Variants in EDIL3 observed in about 807,000 individuals in gnomAD.
The protein encoded by EDIL3 is EGF-like repeat and discoidin I-like domain-containing protein 3.
In EDIL3, 37 loss-of-function variants were observed where a neutral mutation model predicts 67.4. That is an observed-to-expected ratio of 0.55 (90% CI 0.42 to 0.72). The LOEUF (loss-of-function observed/expected upper bound fraction) is 0.72. Among genes scored for constraint, EDIL3 ranks in the 30% least tolerant of loss-of-function variants. The pLI is 0.00. For missense variants in EDIL3, 527 were observed against 586.3 expected, an observed-to-expected ratio of 0.90 and a Z score of 1.04; for synonymous variants, 195 against 196.3, an observed-to-expected ratio of 0.99 and a Z score of 0.05.
intron 10 of EDIL3, among the ~76,000 whole-genome samples, chr5:83,961,661 T>C (rs995616145): frequency 6.6e-6 from 1 of 150,972 alleles, no homozygotes; most frequent in African/African-American, 2.4e-5. Flanking sequence ...CCTGTATAAC[T>C]TATGAAGTTT....
intron 6 of EDIL3, among the ~76,000 whole-genome samples, chr5:84,067,553 T>C (rs1425113445): frequency 6.6e-6 from 1 of 152,226 alleles, no homozygotes; most frequent in Non-Finnish European, 1.5e-5. Flanking sequence ...AATTTAAATA[T>C]GTCATACCAT....
At chr5:84,311,985 C>T (rs1437420135) in intron 1 of EDIL3, among the ~76,000 whole-genome samples, 2 of 152,144 alleles carry the variant, frequency 1.3e-5, no homozygotes, top group African/African-American at 4.8e-5. Context: ...GGCAACCATC[C>T]GATTTCTCAA....
At chr5:84,304,515 A>C (rs183227807) in intron 1 of EDIL3, among the ~76,000 whole-genome samples, 32 of 152,320 alleles carry the variant, frequency 2.1e-4, no homozygotes, top group Middle Eastern at 3.4e-3. Context: ...TCTTGCTTTA[A>C]TGAAGTTGAC....
chr5:84,351,041 T>C lies in EDIL3; in HGVS notation c.67+33267A>G, dbSNP rs376887977. 3.3e-5 allele frequency among the ~76,000 whole-genome samples: 5 copies of C among 152,244 alleles called. No individual in the cohort carries two copies. The East Asian group carries it at 7.7e-4, about 24-fold the overall frequency. ...CCACATTTTAAGTAATCAATAGCCA[T>C]GTATGGTCAATCACATTGCATTGGA... On this transcript the variant is annotated intron_variant, in intron 1 of 10. Coordinates refer to ENST00000296591, the MANE Select transcript of EDIL3 (RefSeq NM_005711.5).
intron 6 of EDIL3, among the ~76,000 whole-genome samples, chr5:84,077,398 C>G (rs1746881803): frequency 6.6e-6 from 1 of 152,112 alleles, no homozygotes; most frequent in African/African-American, 2.4e-5. Context: ...CATTTTCATA[C>G]TGCTATGAAG....
chr5:83,992,927 A>G (rs1262151768), intron 9 of EDIL3, among the ~76,000 whole-genome samples: 1 of 151,972 alleles, frequency 6.6e-6, no homozygotes, highest in Admixed American at 6.6e-5. Flanking sequence ...TGGATAAGTA[A>G]TATGAAGCTA....
chr5:84,330,550 A>G (rs1435288140), intron 1 of EDIL3, among the ~76,000 whole-genome samples: 1 of 152,236 alleles, frequency 6.6e-6, no homozygotes, highest in African/African-American at 2.4e-5. Flanking sequence ...AGCAGAGTCA[A>G]TAAAAACATT....
intron 1 of EDIL3, among the ~76,000 whole-genome samples, chr5:84,367,308 T>C (rs1272860044): frequency 6.6e-6 from 1 of 152,102 alleles, no homozygotes; most frequent in African/African-American, 2.4e-5. Flanking sequence ...TCTTGCTCTG[T>C]CACCTCCCAA....
intron 1 of EDIL3, among the ~76,000 whole-genome samples, chr5:84,335,929 G>C (rs1008450066): frequency 2.0e-5 from 3 of 152,296 alleles, no homozygotes; most frequent in South Asian, 4.1e-4. Flanking sequence ...ACTACTTACT[G>C]TTTCCTCAGA....
intron 1 of EDIL3, among the ~76,000 whole-genome samples, chr5:84,280,316 T>C (rs546521708): frequency 6.6e-6 from 1 of 152,152 alleles, no homozygotes; most frequent in Non-Finnish European, 1.5e-5. Context: ...TTTAATCAGA[T>C]CATGATCTCT....
intron 10 of EDIL3, among the ~76,000 whole-genome samples, chr5:83,953,593 A>G (rs1391892881): frequency 2.0e-5 from 3 of 151,750 alleles, no homozygotes; most frequent in African/African-American, 7.3e-5. Context: ...TTATCTGTTC[A>G]AAATTGATGT....
intron 1 of EDIL3, among the ~76,000 whole-genome samples, chr5:84,354,911 T>G (rs1343663679): frequency 1.3e-5 from 2 of 152,172 alleles, no homozygotes; most frequent in African/African-American, 4.8e-5. Context: ...AAAAATCACC[T>G]ATTATTTTTT....
chr5:84,065,057 T>A (rs1746613772), intron 7 of EDIL3, among the ~76,000 whole-genome samples: 1 of 152,180 alleles, frequency 6.6e-6, no homozygotes, highest in Non-Finnish European at 1.5e-5. Context: ...CTGTGGCTCA[T>A]GACATGATCT....
intron 2 of EDIL3, among the ~76,000 whole-genome samples, chr5:84,248,193 T>C (rs1193287992): frequency 6.6e-6 from 1 of 152,152 alleles, no homozygotes; most frequent in Non-Finnish European, 1.5e-5. Context: ...TCAAGCTCTT[T>C]CTCCACAACG....
intron 9 of EDIL3, among the ~76,000 whole-genome samples, chr5:84,032,996 G>A (rs915951404): frequency 1.3e-5 from 2 of 152,158 alleles, no homozygotes; most frequent in Non-Finnish European, 2.9e-5. Flanking sequence ...GGGTCCTCAC[G>A]TTTGAATGGC....
chr5:84,346,410 A>G (rs1404370954), intron 1 of EDIL3, among the ~76,000 whole-genome samples: 2 of 152,062 alleles, frequency 1.3e-5, no homozygotes, highest in East Asian at 3.9e-4. Context: ...ATAAAACTTT[A>G]TTTACAAAAT....
rs71605902 is a variant in EDIL3 at position 84,141,952 on chromosome 5, G to GATCGATCGATCTATCTATCT, written c.356-4599_356-4598insAGATAGATAGATCGATCGAT. Among the ~76,000 whole-genome samples the GATCGATCGATCTATCTATCT allele has an allele frequency of 1.7e-3, 180 of 108,360 alleles. 1 individual carries two copies. The highest frequency in any genetic ancestry group is 6.3e-3 in the East Asian group (22 of 3,504). The allele number at this position is 108,360 out of a possible 152,430, so 71.1% of individuals were successfully genotyped here. A position where few individuals can be genotyped will look rare whatever the true frequency, so the allele number is the denominator to read the frequency against. ...ATATATATATATATATATATACATA[G>GATCGATCGATCTATCTATCT]ATCTATCTATCTATCTATCTATCTA... is the stretch of plus-strand genomic sequence containing the variant. On this transcript the variant is annotated intron_variant, in intron 4 of 10. Coordinates refer to ENST00000296591, the MANE Select transcript of EDIL3 (RefSeq NM_005711.5).
chr5:84,349,168 G>A (rs923489365), intron 1 of EDIL3, among the ~76,000 whole-genome samples: 2 of 152,070 alleles, frequency 1.3e-5, no homozygotes, highest in African/African-American at 4.8e-5. Flanking sequence ...TATTTATAAA[G>A]AATAACAGCT....
chr5:84,287,166 C>T (rs1421364925), intron 1 of EDIL3, among the ~76,000 whole-genome samples: 1 of 152,038 alleles, frequency 6.6e-6, no homozygotes, highest in Non-Finnish European at 1.5e-5. Flanking sequence ...TTCTATTGAG[C>T]TAAAGCTGTA....
Sources: gnomAD v4.1 joint callset for allele counts (sites outside exome capture counted in the v4.1 genomes callset) on GRCh38, gnomAD v4.1.1 for gene constraint, MANE v1.5 for transcripts, NCBI Gene and HGNC (gene_info 2026-07-23, HGNC 2026-07-21) for gene names.